The following MACF1 variants were observed in gnomAD, a reference collection of about 807,000 sequenced individuals.
MACF1 encodes microtubule-actin cross-linking factor 1.
In MACF1, 193 loss-of-function variants were observed where a neutral mutation model predicts 854.8. That is an observed-to-expected ratio of 0.23 (90% CI 0.20 to 0.25). The LOEUF is 0.25. Among genes scored for constraint, MACF1 ranks in the 10% least tolerant of loss-of-function variants. The pLI, the probability that MACF1 is intolerant of heterozygous loss-of-function variation, is 1.00. For synonymous variants in MACF1, 3,185 were observed against 3,226.7 expected, an observed-to-expected ratio of 0.99 and a Z score of 0.44; for missense variants, 7,722 against 8,929.1, an observed-to-expected ratio of 0.86 and a Z score of 5.45.
At chr1:39,482,522 G>T (rs935863379) in intron 99 of MACF1, among the ~76,000 whole-genome samples, 2 of 152,038 alleles carry the variant, frequency 1.3e-5, no homozygotes, top group Admixed American at 1.3e-4. Flanking sequence ...TTGTTTGTTT[G>T]TTTGTTTGTT....
chr1:39,359,130 T>C lies in MACF1; in HGVS notation c.12121-11T>C, dbSNP rs1307151386. 4.3e-6 allele frequency: 7 copies of C among 1,613,398 alleles called. No individual in the cohort carries two copies. The highest frequency in any genetic ancestry group is 2.2e-5 in the East Asian group (1 of 44,876). On this transcript the variant is annotated splice_polypyrimidine_tract_variant and intron_variant, in intron 46 of 100. Transcript: ENST00000564288. ...AGATGTTTTTCTTTTGTTTTTTTCA[T>C]GGACAAGCAGCAGTTGCAGGAGGAA...
chr1:39,333,520 C>G lies in MACF1; in HGVS notation c.6932C>G (p.Ala2311Gly). 1 of 1,614,146 alleles carries G rather than the reference C, an allele frequency of 6.2e-7. No homozygotes were observed. Among genetic ancestry groups the G allele is most frequent in the Non-Finnish European group, 8.5e-7 (1 of 1,180,006 alleles). ...GGTCAAAAGCTCTTACTAAATGAAG[C>G]AATATCCCGAGGCATTGTGCCAAGT... ...QTGQKLLLNE[A>G]ISRGIVPSHT... The change falls in exon 37 of 101, where the codon GCA (alanine) becomes GGA (glycine). Residue 2311 changes from alanine to glycine, a missense_variant. Ala to Gly is a moderately conservative substitution (Grantham distance 60, BLOSUM62 0). Around this residue, in one of 15 missense-constraint regions of MACF1, gnomAD observed 1,531 missense variants for 1,601.6 expected, o/e 0.96. Coordinates refer to ENST00000564288, the MANE Select transcript of MACF1 (RefSeq NM_001394062.1).
chr1:39,269,524 C>T (rs56963425), intron 6 of MACF1: 2 of 1,289,818 alleles, frequency 1.6e-6, no homozygotes, highest in Admixed American at 4.6e-5. Context: ...CTGCCTACTT[C>T]TCAGAGTGAT....
At position 39,336,645 on chromosome 1, in the gene MACF1, G is replaced by A; in HGVS notation, c.10057G>A (p.Ala3353Thr). The A allele has an allele frequency of 6.2e-7, 1 of 1,600,526 alleles. No homozygotes were observed. Among genetic ancestry groups the A allele is most frequent in the Non-Finnish European group, 8.5e-7 (1 of 1,176,400 alleles). ...AGGTGTAAACCCAGAGCCCTTCAGA[G>A]CAACTCAGGTCAGTGGTGTGCTTTT... The part of the protein sequence containing the change: ...NGGVNPEPFR[A>T]TQNVFTRQLC... Residue 3353 changes from alanine (A) to threonine (T), a missense_variant, in exon 37 of 101, where the codon GCA becomes ACA. By Grantham distance (58) the Ala-to-Thr change is moderately conservative (BLOSUM62 0). Transcript: ENST00000564288.
At chr1:39,307,431 C>G (rs1646205232) in intron 23 of MACF1, among the ~76,000 whole-genome samples, 2 of 152,146 alleles carry the variant, frequency 1.3e-5, no homozygotes, top group Admixed American at 1.3e-4. Flanking sequence ...CTTTATTTCT[C>G]TGCAAGTGTT....
At chr1:39,477,058 T>C (rs1570225422) in intron 97 of MACF1, among the ~76,000 whole-genome samples, 2 of 19,590 alleles carry the variant, frequency 1.0e-4, no homozygotes, top group Non-Finnish European at 1.7e-4. Context: ...TATATATATA[T>C]ATATATATAT....
chr1:39,400,176 A>G (rs1458314235), intron 58 of MACF1, among the ~76,000 whole-genome samples: 1 of 152,236 alleles, frequency 6.6e-6, no homozygotes, highest in Non-Finnish European at 1.5e-5. Flanking sequence ...ATTAGTTGAC[A>G]GTTTGGTGTA....
At chr1:39,135,526 C>T (rs1643143632) in intron 2 of MACF1, among the ~76,000 whole-genome samples, 1 of 152,142 alleles carries the variant, frequency 6.6e-6, no homozygotes, top group Non-Finnish European at 1.5e-5. Flanking sequence ...ATGTGAGCCA[C>T]TGCGTCCGGC....
intron 58 of MACF1, among the ~76,000 whole-genome samples, chr1:39,394,733 C>G (rs889583560): frequency 5.3e-5 from 8 of 152,122 alleles, no homozygotes; most frequent in African/African-American, 1.9e-4. Context: ...AGCTCATGTA[C>G]GTTTTTGGCA....
intron 2 of MACF1, among the ~76,000 whole-genome samples, chr1:39,101,168 C>G (rs1216769225): frequency 6.6e-6 from 1 of 151,370 alleles, no homozygotes; most frequent in African/African-American, 2.4e-5. Context: ...ACTAGCCTGG[C>G]CAACAAGGTG....
intron 49 of MACF1, among the ~76,000 whole-genome samples, chr1:39,365,139 C>T (rs985344000): frequency 2.0e-5 from 3 of 151,944 alleles, no homozygotes; most frequent in Non-Finnish European, 4.4e-5. Flanking sequence ...TGCAGTGGCA[C>T]GATCTCAGCT....
chr1:39,220,573 C>T (rs1221751860), intron 1 of MACF1, among the ~76,000 whole-genome samples: 1 of 151,034 alleles, frequency 6.6e-6, no homozygotes, highest in Non-Finnish European at 1.5e-5. Flanking sequence ...GCCTCTGCCT[C>T]CCGAGTTCAA....
At chr1:39,336,765 T>G in intron 37 of MACF1, 112 bp downstream of exon 37, 1 of 974,718 alleles carries the variant, frequency 1.0e-6, no homozygotes, top group Non-Finnish European at 1.5e-6. Flanking sequence ...TCTATACATT[T>G]TAAGGCACTA....
rs929856045 is a variant in MACF1 at position 39,252,019 on chromosome 1, G to C, written c.357+78G>C. 8.3e-5 allele frequency: 79 copies of C among 956,780 alleles called. 1 individual carries two copies. The highest frequency in any genetic ancestry group is 5.4e-4 in the East Asian group (17 of 31,274). 59.3% of individuals were successfully genotyped at this position (956,780 alleles called of 1,614,324 possible). ...GGCCATCAGAGTCTGAGGTTCTCCA[G>C]GTCTCGAAGTAGTTCAGTTACTATT... On this transcript the variant is annotated intron_variant, in intron 4 of 100. Coordinates refer to ENST00000564288, the MANE Select transcript of MACF1 (RefSeq NM_001394062.1).
chr1:39,384,591 AG>A (rs1650524220), intron 56 of MACF1, among the ~76,000 whole-genome samples: 1 of 152,220 alleles, frequency 6.6e-6, no homozygotes, highest in Non-Finnish European at 1.5e-5. Context: ...GAAAGCAGCA[AG>A]GGATATGAAA....
chr1:39,403,078 GTTGTTTTGTT>G (rs57125297), intron 58 of MACF1, among the ~76,000 whole-genome samples: 45,281 of 145,446 alleles, frequency 0.31, 7,217 homozygotes, highest in African/African-American at 0.39. Flanking sequence ...TTTTTGTTTG[GTTGTTTTGTT>G]TTGTTTTGTT....
intron 1 of MACF1, among the ~76,000 whole-genome samples, chr1:39,207,610 G>C (rs1557518389): frequency 6.6e-6 from 1 of 152,068 alleles, no homozygotes; most frequent in Non-Finnish European, 1.5e-5. Flanking sequence ...AACACTGAAG[G>C]TAACTGGCTT....
intron 54 of MACF1, 133 bp from the exon 55 acceptor site, chr1:39,380,111 C>A: frequency 1.2e-6 from 1 of 820,186 alleles, no homozygotes; most frequent in Non-Finnish European, 1.9e-6. Context: ...TATCTTAACA[C>A]CACTAAACAA....
intron 1 of MACF1, chr1:39,215,425 T>C (rs1352223611): frequency 6.8e-6 from 1 of 147,524 alleles, no homozygotes; most frequent in Non-Finnish European, 1.5e-5. Flanking sequence ...GCATGTGCTG[T>C]ATGGGTTAGT....
Sources: allele counts gnomAD v4.1 joint callset (sites outside exome capture counted in the v4.1 genomes callset), GRCh38; gene constraint gnomAD v4.1.1; regional missense constraint gnomAD v4.1.1; transcripts MANE v1.5; gene names NCBI Gene and HGNC (gene_info 2026-07-23, HGNC 2026-07-21).